B4GALT2: variants seen among roughly 807,000 people sequenced by gnomAD.
B4GALT2 encodes N-acetyllactosamine synthase.
A neutral mutation model predicts 33.2 loss-of-function variants in B4GALT2; 18 were observed. The ratio of observed to expected loss-of-function variants is 0.54; its 90% CI spans 0.38 to 0.80. B4GALT2 has a LOEUF of 0.80. B4GALT2 is among the 30% of genes least tolerant of loss of function. The pLI is 0.00. For missense variants in B4GALT2, 404 were observed against 526.2 expected, an observed-to-expected ratio of 0.77 and a Z score of 2.27; for synonymous variants, 214 against 217.6, an observed-to-expected ratio of 0.98 and a Z score of 0.15.
In B4GALT2 at chr1:43,987,725, C is replaced by T. The variant is rs200510124; in HGVS notation, c.968+2104C>T. Among the ~76,000 whole-genome samples the T allele has an allele frequency of 3.2e-4, 49 of 152,300 alleles. No homozygotes were observed. In the South Asian group the frequency reaches 1.0e-2, roughly 31 times the overall value. On this transcript the variant is annotated intron_variant, in intron 6 of 6. Transcript: ENST00000372324. Reference sequence around the variant, plus strand: ...TCTCAGAGCCTTTACACATTTCATTCTGTGAGAATGAAAACATGAGCTGCT... The same window carrying T: ...TCTCAGAGCCTTTACACATTTCATTTTGTGAGAATGAAAACATGAGCTGCT...
intron 1 of B4GALT2, chr1:43,980,470 GC>G (rs1340248263): frequency 2.5e-5 from 21 of 843,670 alleles, no homozygotes; most frequent in African/African-American, 1.1e-4. Context: ...CTGTATTTGG[GC>G]CCCCCGGATG....
At chr1:43,987,383 C>CCTT (rs2085670012) in intron 6 of B4GALT2, among the ~76,000 whole-genome samples, 1 of 152,158 alleles carries the variant, frequency 6.6e-6, no homozygotes, top group Non-Finnish European at 1.5e-5. Context: ...CCCTTGTTTA[C>CCTT]ATTTCACACA....
intron 6 of B4GALT2, among the ~76,000 whole-genome samples, chr1:43,987,896 T>C (rs2085676869): frequency 6.6e-6 from 1 of 152,224 alleles, no homozygotes; most frequent in South Asian, 2.1e-4. Flanking sequence ...CTCTGACCTC[T>C]ACCTGGAGTG....
intron 1 of B4GALT2, chr1:43,980,319 C>T: frequency 2.6e-6 from 1 of 386,264 alleles, no homozygotes; most frequent in Non-Finnish European, 4.5e-6. Flanking sequence ...GGAATCAGAA[C>T]CAGCTGTGCT....
At chr1:43,986,619 G>C (rs1274972711) in intron 6 of B4GALT2, among the ~76,000 whole-genome samples, 1 of 152,158 alleles carries the variant, frequency 6.6e-6, no homozygotes, top group Non-Finnish European at 1.5e-5. Context: ...ACAGTGGGGC[G>C]GGGGAAAGTC....
At chr1:43,983,871 C>G (rs2085627647) in intron 3 of B4GALT2, among the ~76,000 whole-genome samples, 1 of 152,114 alleles carries the variant, frequency 6.6e-6, no homozygotes, top group African/African-American at 2.4e-5. Context: ...CTGGGCAGGT[C>G]AGGGTTCCCG....
intron 1 of B4GALT2, chr1:43,980,097 T>C (rs1273819470): frequency 1.4e-6 from 2 of 1,440,142 alleles, no homozygotes; most frequent in East Asian, 2.9e-5. Flanking sequence ...TCTGTGACTG[T>C]AGTTCTCTGT....
intron 6 of B4GALT2, among the ~76,000 whole-genome samples, chr1:43,989,859 A>G (rs1209035419): frequency 6.6e-6 from 1 of 152,154 alleles, no homozygotes; most frequent in Non-Finnish European, 1.5e-5. Context: ...ATATTACCAC[A>G]TTATACAAAT....
chr1:43,985,753 C>T (rs2085652168), intron 6 of B4GALT2, 132 bp downstream of exon 6: 1 of 788,778 alleles, frequency 1.3e-6, no homozygotes, highest in Non-Finnish European at 2.1e-6. Context: ...AAAAAGGTGA[C>T]TCCCAGTGCC....
chr1:43,988,000 C>G (rs1314058125), intron 6 of B4GALT2, among the ~76,000 whole-genome samples: 2 of 152,164 alleles, frequency 1.3e-5, no homozygotes, highest in Admixed American at 6.5e-5. Flanking sequence ...CCTAGAGAAG[C>G]CAACTTGCCC....
chr1:43,988,927 C>T (rs551206732), intron 6 of B4GALT2, among the ~76,000 whole-genome samples: 348 of 150,460 alleles, frequency 2.3e-3, no homozygotes, highest in Non-Finnish European at 4.1e-3. Context: ...GAGCAGCTGA[C>T]ATCTCTGTTT....
At position 43,982,411 on chromosome 1, in the gene B4GALT2, C is replaced by CTCCTA. The variant is rs1255716596; in HGVS notation, c.549+488_549+492dup. 1.3e-5 allele frequency among the ~76,000 whole-genome samples: 2 copies of CTCCTA among 152,154 alleles called. No individual in the cohort carries two copies. The highest frequency in any genetic ancestry group is 1.3e-4 in the Admixed American group (2 of 15,276). ...CCCCGCCCCCGCCGACCACAGAGAC[C>CTCCTA]TCCTAGACTTGGACATGGGTCCCTC... is the stretch of plus-strand genomic sequence containing the variant. On this transcript the variant is annotated intron_variant, in intron 3 of 6. Coordinates refer to ENST00000372324, the MANE Select transcript of B4GALT2 (RefSeq NM_003780.5). The surrounding 1 kb of genome is among the most constrained non-coding windows in gnomAD (Gnocchi z 4.3).
At chr1:43,985,655 A>T in intron 6 of B4GALT2, 34 bp downstream of exon 6, 1 of 1,599,450 alleles carries the variant, frequency 6.3e-7, no homozygotes, top group Non-Finnish European at 8.6e-7. Context: ...TACTCCCCAG[A>T]GGCAACTTCC....
At position 43,980,267 on chromosome 1, in the gene B4GALT2, C is replaced by A; in HGVS notation, c.-53+756C>A. The A allele has an allele frequency of 7.9e-6, 4 of 508,876 alleles. No individual in the cohort carries two copies. The South Asian group carries it at 1.2e-4, about 16-fold the overall frequency. The allele number at this position is 508,876 out of a possible 1,614,324, so 31.5% of individuals were successfully genotyped here. A position where few individuals can be genotyped will look rare whatever the true frequency, so the allele number is the denominator to read the frequency against. On this transcript the variant is annotated intron_variant, in intron 1 of 6. Coordinates refer to ENST00000372324, the MANE Select transcript of B4GALT2 (RefSeq NM_003780.5). Reference sequence around the variant, plus strand: ...CAGGCAAGACCCCCTTCCTGCCATGCCCAGTGCTGTGCCCATCTCCAGGCC... The same window carrying A: ...CAGGCAAGACCCCCTTCCTGCCATGACCAGTGCTGTGCCCATCTCCAGGCC...
chr1:43,981,944 T>C lies in B4GALT2; in HGVS notation c.549+20T>C. The C allele has an allele frequency of 3.1e-6, 5 of 1,610,720 alleles. No homozygotes were observed. Among genetic ancestry groups the C allele is most frequent in the Non-Finnish European group, 2.5e-6 (3 of 1,177,664 alleles). ...AACCAGGTGCCCATGCGGGGGTCCA[T>C]GTGCCTGTTGGTGTATATATGTGGG... On this transcript the variant is annotated intron_variant, in intron 3 of 6. Coordinates refer to ENST00000372324, the MANE Select transcript of B4GALT2 (RefSeq NM_003780.5). This position sits in a 1 kb window ranked among gnomAD's most constrained non-coding sequence, Gnocchi z 8.1.
intron 3 of B4GALT2, among the ~76,000 whole-genome samples, chr1:43,983,495 G>A (rs1346175900): frequency 6.6e-6 from 1 of 152,224 alleles, no homozygotes; most frequent in Admixed American, 6.5e-5. Context: ...CTCGTCCAGT[G>A]GATTTAGCAA....
intron 6 of B4GALT2, among the ~76,000 whole-genome samples, chr1:43,989,943 A>G (rs576496719): frequency 5.9e-5 from 9 of 152,370 alleles, no homozygotes; most frequent in Admixed American, 2.6e-4. Context: ...CGCGGCAGTT[A>G]GAGCATAGTC....
intron 1 of B4GALT2, chr1:43,980,118 G>A (rs1439603359): frequency 1.4e-6 from 2 of 1,392,074 alleles, no homozygotes; most frequent in Non-Finnish European, 1.9e-6. Context: ...GTGTCTGAGT[G>A]TGGGTGACCA....
intron 6 of B4GALT2, among the ~76,000 whole-genome samples, chr1:43,986,619 G>A (rs1274972711): frequency 3.9e-5 from 6 of 152,158 alleles, no homozygotes; most frequent in Admixed American, 1.3e-4. Context: ...ACAGTGGGGC[G>A]GGGGAAAGTC....
Sources: gnomAD v4.1 joint callset for allele counts (sites outside exome capture counted in the v4.1 genomes callset) on GRCh38, gnomAD v4.1.1 for gene constraint, Gnocchi (gnomAD v3.1) non-coding constraint, MANE v1.5 for transcripts, NCBI Gene and HGNC (gene_info 2026-07-23, HGNC 2026-07-21) for gene names.